PACSIN1: variants seen among roughly 807,000 people sequenced by gnomAD.
PACSIN1 encodes protein kinase C and casein kinase substrate in neurons 1.
Under a neutral mutation model 59.5 loss-of-function variants are expected in PACSIN1, and 15 were observed. That is an observed-to-expected ratio of 0.25 (90% CI 0.17 to 0.39). PACSIN1 has a LOEUF of 0.39. Ranked by LOEUF, PACSIN1 falls within the 10% of genes least tolerant of loss-of-function variation. The pLI is 1.00. For synonymous variants in PACSIN1, 210 were observed against 220.6 expected, an observed-to-expected ratio of 0.95 and a Z score of 0.42; for missense variants, 420 against 580.2, an observed-to-expected ratio of 0.72 and a Z score of 2.84.
chr6:34,499,647 T>A (rs773377397), intron 1 of PACSIN1, among the ~76,000 whole-genome samples: 3 of 151,538 alleles, frequency 2.0e-5, no homozygotes, highest in African/African-American at 4.9e-5. Flanking sequence ...TACAAAAAAA[T>A]TATGCAGGCA....
chr6:34,477,912 C>A (rs1221903879), intron 1 of PACSIN1, among the ~76,000 whole-genome samples: 2 of 91,240 alleles, frequency 2.2e-5, no homozygotes, highest in Non-Finnish European at 4.0e-5. Flanking sequence ...CCAAGCCTGG[C>A]CATCTTTTTT....
chr6:34,502,438 G>A (rs1167490795), intron 1 of PACSIN1, among the ~76,000 whole-genome samples: 1 of 148,500 alleles, frequency 6.7e-6, no homozygotes, highest in African/African-American at 2.5e-5. Context: ...CTGAGGATAA[G>A]TCATGTAAAT....
intron 1 of PACSIN1, among the ~76,000 whole-genome samples, chr6:34,492,662 A>T (rs917184811): frequency 5.9e-5 from 9 of 152,356 alleles, no homozygotes; most frequent in East Asian, 5.8e-4. Flanking sequence ...GATTACAGGC[A>T]TGAGCCACTA....
intron 1 of PACSIN1, among the ~76,000 whole-genome samples, chr6:34,473,588 C>T (rs979523864): frequency 6.6e-6 from 1 of 152,106 alleles, no homozygotes. Context: ...GAGGGGCAGC[C>T]GAGGCAGGGC....
rs1767619192 is a variant in PACSIN1 at position 34,532,503 on chromosome 6, C to T, written c.1308C>T (p.Tyr436=). Residue 436 remains tyrosine (Y), a synonymous_variant, in exon 10 of 10, where the codon TAC becomes TAT. Transcript: ENST00000244458. The surrounding 1 kb of genome is among the most constrained non-coding windows in gnomAD (Gnocchi z 5.2). ...GRLDSGQLGL[Y]PANYVEAI The stretch of plus-strand genomic sequence containing the variant: ...TGGACAGCGGGCAGCTGGGCCTCTA[C>T]CCTGCCAACTACGTGGAGGCTATCT... 5 of 1,560,202 alleles carry T rather than the reference C, an allele frequency of 3.2e-6. No individual in the cohort carries two copies. The Admixed American group carries it at 7.6e-5, about 24-fold the overall frequency.
At chr6:34,502,919 C>T (rs569889740) in intron 1 of PACSIN1, among the ~76,000 whole-genome samples, 255 of 152,272 alleles carry the variant, frequency 1.7e-3, no homozygotes, top group Non-Finnish European at 2.9e-3. Context: ...CAATAGACAA[C>T]TGAAACCCCT....
Position 34,482,684 on chromosome 6 carries a change from G to GT in PACSIN1, c.-64+16427dup, listed in dbSNP as rs56763761. Among the ~76,000 whole-genome samples, 1,198 of 139,010 alleles carry GT rather than the reference G, an allele frequency of 8.6e-3. 4 individuals are homozygous for GT. Among genetic ancestry groups the GT allele is most frequent in the South Asian group, 0.017 (74 of 4,418 alleles). 91.2% of individuals were successfully genotyped at this position (139,010 alleles called of 152,430 possible). ...ATGGTAACTCTATGTTTTTGTTTTT[G>GT]TTTTTTTTTTTTTGAGACAGAGTCT... On this transcript the variant is annotated intron_variant, in intron 1 of 9. Transcript: ENST00000244458.
At chr6:34,502,460 C>CTTTTTTTTTTTT (rs562155609) in intron 1 of PACSIN1, among the ~76,000 whole-genome samples, 1 of 59,046 alleles carries the variant, frequency 1.7e-5, no homozygotes. Context: ...AAGAAGCCAT[C>CTTTTTTTTTTTT]TTTTTTTTTT....
intron 1 of PACSIN1, among the ~76,000 whole-genome samples, chr6:34,504,845 A>C (rs1386069583): frequency 6.6e-6 from 1 of 152,054 alleles, no homozygotes; most frequent in Non-Finnish European, 1.5e-5. Context: ...TTCATTCTTG[A>C]AGGATATTTT....
In PACSIN1 at chr6:34,529,155, G is replaced by A. The variant is rs189050388; in HGVS notation, c.457-242G>A. Among the ~76,000 whole-genome samples the A allele has an allele frequency of 3.9e-5, 6 of 152,254 alleles. No individual in the cohort carries two copies. Among genetic ancestry groups the A allele is most frequent in the African/African-American group, 9.6e-5 (4 of 41,538 alleles). ...TGGCCCCTGGGTCCCCAGATGGGGC[G>A]GGCACTGCACTGCCTGACAGGAGGG... is the stretch of plus-strand genomic sequence containing the variant. On this transcript the variant is annotated intron_variant, in intron 4 of 9. Transcript: ENST00000244458. This position sits in a 1 kb window ranked among gnomAD's most constrained non-coding sequence, Gnocchi z 6.3.
intron 2 of PACSIN1, 133 bp from the exon 3 acceptor site, chr6:34,527,199 C>A: frequency 2.7e-6 from 2 of 740,530 alleles, no homozygotes; most frequent in Non-Finnish European, 3.4e-6. Flanking sequence ...GGGGCGGGGG[C>A]GGGGGCGGGG....
At chr6:34,491,585 C>G (rs1477748901) in intron 1 of PACSIN1, among the ~76,000 whole-genome samples, 3 of 152,094 alleles carry the variant, frequency 2.0e-5, no homozygotes, top group African/African-American at 7.2e-5. Context: ...GCTGTGTGCT[C>G]CATGGTGTAA....
intron 1 of PACSIN1, among the ~76,000 whole-genome samples, chr6:34,472,386 A>G (rs574900739): frequency 6.7e-6 from 1 of 150,178 alleles, no homozygotes; most frequent in South Asian, 2.1e-4. Context: ...AGAAGGCTGC[A>G]TACCTGATTG....
At chr6:34,496,483 C>T (rs1283772954) in intron 1 of PACSIN1, among the ~76,000 whole-genome samples, 1 of 152,188 alleles carries the variant, frequency 6.6e-6, no homozygotes, top group African/African-American at 2.4e-5. Context: ...TCGGCCTCCT[C>T]CTGCTGGATG....
chr6:34,504,866 A>G (rs1407707552), intron 1 of PACSIN1, among the ~76,000 whole-genome samples: 1 of 152,074 alleles, frequency 6.6e-6, no homozygotes, highest in African/African-American at 2.4e-5. Context: ...CTCTGGATAT[A>G]TGGTTCTGGG....
chr6:34,502,799 G>A (rs1767044885), intron 1 of PACSIN1, among the ~76,000 whole-genome samples: 1 of 152,168 alleles, frequency 6.6e-6, no homozygotes, highest in African/African-American at 2.4e-5. Flanking sequence ...AGCCCCAGCT[G>A]AGGGCATGTG....
chr6:34,527,697 ACACTTTTTATCTTG>A, intron 3 of PACSIN1: 6 of 391,420 alleles, frequency 1.5e-5, no homozygotes, highest in Non-Finnish European at 2.2e-5. Context: ...AAAAAAAAAA[ACACTTTTTATCTTG>A]AAATAATTCA....
At chr6:34,497,140 G>T (rs1766959605) in intron 1 of PACSIN1, among the ~76,000 whole-genome samples, 1 of 151,738 alleles carries the variant, frequency 6.6e-6, no homozygotes, top group Non-Finnish European at 1.5e-5. Context: ...AGTACAGACA[G>T]GGTATCACCA....
chr6:34,482,425 C>G (rs1178809608), intron 1 of PACSIN1, among the ~76,000 whole-genome samples: 1 of 152,136 alleles, frequency 6.6e-6, no homozygotes, highest in Admixed American at 6.6e-5. Flanking sequence ...TAAGGTTCAT[C>G]CCCCTTTGTA....
Sources: gnomAD v4.1 joint callset for allele counts (sites outside exome capture counted in the v4.1 genomes callset) on GRCh38, gnomAD v4.1.1 for gene constraint, Gnocchi (gnomAD v3.1) non-coding constraint, MANE v1.5 for transcripts, NCBI Gene and HGNC (gene_info 2026-07-23, HGNC 2026-07-21) for gene names.